Variants in TTC7A observed in about 807,000 individuals in gnomAD.
The protein encoded by TTC7A is tetratricopeptide repeat protein 7A.
Under a neutral mutation model 103.7 loss-of-function variants are expected in TTC7A, and 110 were observed. The observed-to-expected ratio is 1.06, with a 90% confidence interval of 0.91 to 1.24. TTC7A has a LOEUF of 1.24. Ranked by LOEUF, TTC7A falls within the 50% of genes most tolerant of loss-of-function variation. TTC7A has a pLI of 0.00. For synonymous variants in TTC7A, 521 were observed against 467.9 expected (o/e 1.11, Z -1.47); for missense variants, 1,340 against 1,116.3 (o/e 1.20, Z -2.86).
chr2:46,942,074 A>G (rs1045575703), intron 1 of TTC7A, among the ~76,000 whole-genome samples: 4 of 152,156 alleles, frequency 2.6e-5, no homozygotes, highest in Non-Finnish European at 4.4e-5. Flanking sequence ...CCTAAACTCC[A>G]TCAGGTGAAG....
chr2:46,923,215 C>G (rs1479848434), intron 2 of TTC7A, among the ~76,000 whole-genome samples: 1 of 152,200 alleles, frequency 6.6e-6, no homozygotes, highest in Admixed American at 6.5e-5. Context: ...GGCTTTATTA[C>G]ATAGGCACAG....
At chr2:46,923,361 A>G (rs919373194) in intron 2 of TTC7A, among the ~76,000 whole-genome samples, 1 of 152,072 alleles carries the variant, frequency 6.6e-6, no homozygotes, top group Admixed American at 6.5e-5. Context: ...GTCATTCTGA[A>G]TTACCTGGGG....
intron 19 of TTC7A, among the ~76,000 whole-genome samples, chr2:47,068,873 AAAAAAAAAAAAAAAG>A (rs1458870512): frequency 5.8e-5 from 5 of 86,536 alleles, no homozygotes; most frequent in African/African-American, 1.6e-4. Flanking sequence ...AAAAAAAAAA[AAAAAAAAAAAAAAAG>A]AAAGACTCAC....
chr2:46,996,534 G>A (rs1400736205), intron 8 of TTC7A, among the ~76,000 whole-genome samples: 2 of 152,204 alleles, frequency 1.3e-5, no homozygotes, highest in South Asian at 2.1e-4. Context: ...CAGCAAATAG[G>A]AGCAGGCGCT....
In TTC7A at chr2:47,060,989, G is replaced by A. The variant is rs368213061; in HGVS notation, c.2355+18G>A. On this transcript the variant is annotated intron_variant, in intron 19 of 19. Coordinates refer to ENST00000319190, the MANE Select transcript of TTC7A (RefSeq NM_020458.4). The stretch of plus-strand genomic sequence containing the variant: ...ATAGCCTGGTGAGTCAGAGCCCCCC[G>A]CGCTCCCACCACCTCCTCCCACAGC... 7.0e-6 allele frequency: 11 copies of A among 1,574,228 alleles called. No homozygotes were observed. Among genetic ancestry groups the A allele is most frequent in the African/African-American group, 6.7e-5 (5 of 74,328 alleles).
chr2:46,930,692 G>C (rs1669653137), intron 2 of TTC7A, among the ~76,000 whole-genome samples: 2 of 151,978 alleles, frequency 1.3e-5, no homozygotes, highest in Non-Finnish European at 1.5e-5. Context: ...TAGAGACAGG[G>C]TTTCAGCCTG....
chr2:46,967,342 G>A (rs946871597), intron 3 of TTC7A, among the ~76,000 whole-genome samples: 9 of 152,150 alleles, frequency 5.9e-5, no homozygotes, highest in Non-Finnish European at 1.2e-4. Flanking sequence ...GCATTATTGT[G>A]CAACCAGTCT....
chr2:47,060,957 A>T lies in TTC7A; in HGVS notation c.2341A>T (p.Ile781Phe). 6.2e-7 allele frequency: 1 copy of T among 1,612,466 alleles called. No individual in the cohort carries two copies. Among genetic ancestry groups the T allele is most frequent in the Non-Finnish European group, 8.5e-7 (1 of 1,179,226 alleles). Residue 781 changes from isoleucine to phenylalanine, a missense_variant, in exon 19 of 20, where the codon ATC becomes TTC. Physicochemically the swap from Ile to Phe is conservative, Grantham distance 21 (BLOSUM62 0). Transcript: ENST00000319190. Reference sequence around the variant, plus strand: ...CACGGTGAACCCAGATGGCGTGCGCATCATGCATAGCCTGGTGAGTCAGAG... The same window carrying T: ...CACGGTGAACCCAGATGGCGTGCGCTTCATGCATAGCCTGGTGAGTCAGAG... ...ALTVNPDGVRIMHSLGLMLSR... is the reference protein window; with the variant it reads ...ALTVNPDGVRFMHSLGLMLSR...
At chr2:46,989,142 G>A (rs898565522) in intron 5 of TTC7A, among the ~76,000 whole-genome samples, 2 of 152,156 alleles carry the variant, frequency 1.3e-5, no homozygotes, top group African/African-American at 4.8e-5. Context: ...ATCCCACCCA[G>A]AGGCTCCCCT....
chr2:47,038,151 C>T (rs1681319141), intron 15 of TTC7A, among the ~76,000 whole-genome samples: 1 of 151,776 alleles, frequency 6.6e-6, no homozygotes, highest in Non-Finnish European at 1.5e-5. Context: ...CCCAGCTACT[C>T]AGGAGGCTGA....
intron 2 of TTC7A, among the ~76,000 whole-genome samples, chr2:46,952,492 C>T (rs1258601325): frequency 6.6e-6 from 1 of 152,206 alleles, no homozygotes; most frequent in Non-Finnish European, 1.5e-5. Flanking sequence ...TGGCTCACGC[C>T]TGTAGTCTTA....
rs1445149136 is a variant in TTC7A, at chr2:47,005,088, CTG to C, written c.1066-831_1066-830del. On this transcript the variant is annotated intron_variant, in intron 8 of 19. Coordinates refer to ENST00000319190, the MANE Select transcript of TTC7A (RefSeq NM_020458.4). The stretch of plus-strand genomic sequence containing the variant: ...CACCCCCAGCAGCCATCTGGCAACT[CTG>C]TGAGCTACTGAAATCCTCGGCGCTG... Among the ~76,000 whole-genome samples the C allele has an allele frequency of 5.3e-5, 8 of 152,376 alleles. No homozygotes were observed. The South Asian group carries it at 8.3e-4, about 16-fold the overall frequency.
chr2:47,018,056 C>T (rs1678863422), intron 11 of TTC7A, among the ~76,000 whole-genome samples: 1 of 152,040 alleles, frequency 6.6e-6, no homozygotes, highest in Non-Finnish European at 1.5e-5. Context: ...GCAGGTGGAT[C>T]ACTTGAGGTC....
intron 2 of TTC7A, among the ~76,000 whole-genome samples, chr2:46,924,802 AT>A (rs1669300499): frequency 6.6e-6 from 1 of 152,008 alleles, no homozygotes; most frequent in African/African-American, 2.4e-5. Flanking sequence ...TAATTTTTGT[AT>A]TTTTTGTAGA....
intron 1 of TTC7A, among the ~76,000 whole-genome samples, chr2:46,943,149 C>T (rs1042845006): frequency 5.9e-5 from 9 of 152,174 alleles, no homozygotes; most frequent in African/African-American, 2.2e-4. Context: ...GCATTCCGCC[C>T]ACCTGGGCCT....
At chr2:46,934,887 G>C (rs1330178179) in intron 2 of TTC7A, among the ~76,000 whole-genome samples, 1 of 128,704 alleles carries the variant, frequency 7.8e-6, no homozygotes, top group Non-Finnish European at 1.6e-5. Context: ...TGCAACCTCC[G>C]CCTCCCGGGT....
intron 11 of TTC7A, among the ~76,000 whole-genome samples, chr2:47,011,849 G>A (rs752921427): frequency 6.6e-5 from 10 of 152,236 alleles, no homozygotes; most frequent in African/African-American, 1.2e-4. Flanking sequence ...TGCTCTTGGC[G>A]GAATGGGAAG....
At chr2:47,011,754 G>T (rs1678079049) in intron 11 of TTC7A, among the ~76,000 whole-genome samples, 2 of 152,214 alleles carry the variant, frequency 1.3e-5, no homozygotes, top group African/African-American at 2.4e-5. Flanking sequence ...GAGTCACCTG[G>T]ACCAGCCTCA....
intron 7 of TTC7A, 40 bp from the exon 8 acceptor site, chr2:46,995,096 G>A (rs1198954520): frequency 6.2e-7 from 1 of 1,605,700 alleles, no homozygotes; most frequent in Non-Finnish European, 8.5e-7. Context: ...TGTCTGGTGA[G>A]GTGTGTGCTC....
Sources: allele counts gnomAD v4.1 joint callset (sites outside exome capture counted in the v4.1 genomes callset), GRCh38; gene constraint gnomAD v4.1.1; transcripts MANE v1.5; gene names NCBI Gene and HGNC (gene_info 2026-07-23, HGNC 2026-07-21).